The following FREM1 variants were observed in gnomAD, a reference collection of about 807,000 sequenced individuals.
FREM1 encodes the protein FRAS1 related extracellular matrix 1, also known as FRAS1-related extracellular matrix protein 1.
In FREM1, 220 loss-of-function variants were observed where a neutral mutation model predicts 210.1. That is an observed-to-expected ratio of 1.05 (90% confidence interval 0.94 to 1.17). FREM1 has a LOEUF of 1.17. Among genes scored for constraint, FREM1 ranks in the 50% most tolerant of loss-of-function variants. FREM1 has a pLI of 0.00. For missense variants in FREM1, 3,454 were observed against 2,675.5 expected, an observed-to-expected ratio of 1.29 and a Z score of -6.42; for synonymous variants, 1,189 against 980.2, an observed-to-expected ratio of 1.21 and a Z score of -3.98.
At chr9:14,863,708 A>T in intron 3 of FREM1, 101 bp downstream of exon 3, 1 of 677,496 alleles carries the variant, frequency 1.5e-6, no homozygotes. Flanking sequence ...TCTGGAATCT[A>T]TTAACTCCCC....
intron 1 of FREM1, among the ~76,000 whole-genome samples, chr9:14,882,759 G>C (rs892563227): frequency 4.6e-5 from 7 of 150,998 alleles, no homozygotes; most frequent in Admixed American, 2.6e-4. Context: ...ACCTGGCCAT[G>C]GATTCTAATC....
At chr9:14,895,672 T>C (rs1397214469) in intron 1 of FREM1, among the ~76,000 whole-genome samples, 1 of 152,002 alleles carries the variant, frequency 6.6e-6, no homozygotes, top group Admixed American at 6.6e-5. Context: ...AAATGCAGAA[T>C]AAGCCTACTA....
chr9:14,808,262 G>GT (rs1818737298), intron 16 of FREM1, 128 bp from the exon 17 acceptor site: 1 of 571,606 alleles, frequency 1.7e-6, no homozygotes, highest in African/African-American at 1.9e-5. Context: ...TAAAATAAAT[G>GT]TAAAACCCAA....
chr9:14,832,955 C>G (rs998309979), intron 10 of FREM1, among the ~76,000 whole-genome samples: 1 of 152,164 alleles, frequency 6.6e-6, no homozygotes, highest in East Asian at 1.9e-4. Context: ...GCCTGCTGTT[C>G]CAGCCAGCCC....
chr9:14,750,156 G>A lies in FREM1; in HGVS notation c.5528C>T (p.Ala1843Val), dbSNP rs1843105571. The A allele has an allele frequency of 6.2e-7, 1 of 1,613,724 alleles. No individual in the cohort carries two copies. The highest frequency in any genetic ancestry group is 8.5e-7 in the Non-Finnish European group (1 of 1,179,768). Residue 1843 changes from alanine (A) to valine (V), a missense_variant, in exon 30 of 37, where the codon GCT (alanine) becomes GTT (valine). Physicochemically the swap from Ala to Val is moderately conservative, Grantham distance 64. Transcript: ENST00000380880. ...TTTTGAGTCCAAAATTTTCACTGCAGCTTTTGTCTTTGTGCCAAGAACTGC... is the reference window on the plus strand; with the variant it reads ...TTTTGAGTCCAAAATTTTCACTGCAACTTTTGTCTTTGTGCCAAGAACTGC... Reference protein sequence around the residue: ...VNAVLGTKTKAAVKILDSKGG... With the variant: ...VNAVLGTKTKVAVKILDSKGG...
At chr9:14,769,939 T>A (rs1371319090) in intron 26 of FREM1, 71 bp from the exon 27 acceptor site, 1 of 744,106 alleles carries the variant, frequency 1.3e-6, no homozygotes, top group Non-Finnish European at 2.1e-6. Flanking sequence ...TAAAATTGTA[T>A]GGCTATTTTA....
intron 2 of FREM1, among the ~76,000 whole-genome samples, chr9:14,864,137 G>A (rs1420812543): frequency 6.6e-6 from 1 of 152,132 alleles, no homozygotes; most frequent in African/African-American, 2.4e-5. Flanking sequence ...AACCAAAGCA[G>A]TTCAAGAAAA....
intron 29 of FREM1, among the ~76,000 whole-genome samples, chr9:14,751,442 A>C (rs1843370905): frequency 6.6e-6 from 1 of 152,166 alleles, no homozygotes; most frequent in Non-Finnish European, 1.5e-5. Flanking sequence ...TGAGCTCAGG[A>C]GTTTGAGACC....
chr9:14,870,074 T>A (rs1237709737), intron 1 of FREM1, among the ~76,000 whole-genome samples: 1 of 152,234 alleles, frequency 6.6e-6, no homozygotes, highest in Non-Finnish European at 1.5e-5. Flanking sequence ...CTGAAATATA[T>A]CCCTAAATTC....
intron 1 of FREM1, among the ~76,000 whole-genome samples, chr9:14,896,480 G>A (rs1163083908): frequency 2.0e-5 from 3 of 150,534 alleles, no homozygotes; most frequent in African/African-American, 7.4e-5. Context: ...GGGAGACAGA[G>A]GTTGCAGTTA....
At chr9:14,754,455 G>T (rs780195719) in intron 29 of FREM1, among the ~76,000 whole-genome samples, 1 of 152,144 alleles carries the variant, frequency 6.6e-6, no homozygotes, top group Non-Finnish European at 1.5e-5. Flanking sequence ...ACAGATTTTT[G>T]CATGTCGAAG....
intron 3 of FREM1, among the ~76,000 whole-genome samples, chr9:14,860,374 G>A (rs1394528982): frequency 2.0e-5 from 3 of 151,818 alleles, no homozygotes; most frequent in Non-Finnish European, 4.4e-5. Flanking sequence ...AAGACCAAGA[G>A]GGGAAGAAGC....
rs762833101 is a variant in FREM1, at chr9:14,789,029, G to C, written c.4067C>G (p.Thr1356Ser). Residue 1356 changes from threonine (T) to serine (S), a missense_variant, in exon 23 of 37, where the codon ACC becomes AGC. Transcript: ENST00000380880. ...VDLNLLRYTHTGAMDSQNQDS... is the reference protein window; with the variant it reads ...VDLNLLRYTHSGAMDSQNQDS... ...TTGATTCTGGGAATCCATTGCCCCG[G>C]TGTGTGTGTATCTCAGCAAGTTCAG... 2.5e-6 allele frequency: 4 copies of C among 1,610,432 alleles called. No homozygotes were observed. In the East Asian group the frequency reaches 6.7e-5, roughly 27 times the overall value.
At chr9:14,826,916 C>T (rs1016087627) in intron 10 of FREM1, among the ~76,000 whole-genome samples, 5 of 152,156 alleles carry the variant, frequency 3.3e-5, no homozygotes, top group Admixed American at 3.3e-4. Flanking sequence ...TTGGACTTCC[C>T]GGCTGCCAGA....
At chr9:14,887,266 T>TC (rs919851835) in intron 1 of FREM1, among the ~76,000 whole-genome samples, 2 of 152,094 alleles carry the variant, frequency 1.3e-5, no homozygotes, top group African/African-American at 4.8e-5. Flanking sequence ...ACCTTACAAC[T>TC]CCCTGAGGTT....
chr9:14,863,479 A>T (rs1048296845), intron 3 of FREM1, among the ~76,000 whole-genome samples: 1 of 152,184 alleles, frequency 6.6e-6, no homozygotes, highest in South Asian at 2.1e-4. Context: ...CCTGATTTTC[A>T]TTAAGAATTT....
chr9:14,748,855 A>G (rs1276262114), intron 30 of FREM1, among the ~76,000 whole-genome samples: 2 of 152,330 alleles, frequency 1.3e-5, no homozygotes, highest in Non-Finnish European at 1.5e-5. Context: ...GAGTGATTAT[A>G]AAGTCATGAA....
intron 6 of FREM1, among the ~76,000 whole-genome samples, chr9:14,850,935 C>G (rs779057091): frequency 2.7e-4 from 41 of 152,024 alleles, no homozygotes; most frequent in Non-Finnish European, 4.7e-4. Flanking sequence ...AGAATTTAAG[C>G]ATTTTACCAA....
intron 20 of FREM1, among the ~76,000 whole-genome samples, chr9:14,800,145 G>C (rs781403458): frequency 6.6e-6 from 1 of 152,076 alleles, no homozygotes; most frequent in African/African-American, 2.4e-5. Context: ...ACTAGTTGGG[G>C]AAACAAATAA....
Sources: allele counts gnomAD v4.1 joint callset (sites outside exome capture counted in the v4.1 genomes callset), GRCh38; gene constraint gnomAD v4.1.1; transcripts MANE v1.5; gene names NCBI Gene and HGNC (gene_info 2026-07-23, HGNC 2026-07-21).